Variants in CD1B observed in about 807,000 individuals in gnomAD.
The protein encoded by CD1B is CD1b molecule.
CD1B carries 43 observed loss-of-function variants against 39.8 expected under a neutral mutation model. The ratio of observed to expected loss-of-function variants is 1.08; its 90% CI spans 0.85 to 1.39. The LOEUF (loss-of-function observed/expected upper bound fraction) is 1.39, where lower values mean the gene tolerates loss of function less well. Ranked by LOEUF, CD1B falls within the 40% of genes most tolerant of loss-of-function variation. The probability of loss-of-function intolerance (pLI) is 0.00; values close to 1 mark genes in which losing one functional copy is unlikely to be tolerated. For synonymous variants in CD1B, 192 were observed against 152.5 expected, an observed-to-expected ratio of 1.26 and a Z score of -1.91; for missense variants, 495 against 403.8, an observed-to-expected ratio of 1.23 and a Z score of -1.94.
chr1:158,308,500 C>T, the CD1B span, among the ~76,000 whole-genome samples: 2 of 152,084 alleles, frequency 1.3e-5, no homozygotes, highest in African/African-American at 2.4e-5. Context: ...TCATATGGAA[C>T]CAAAAAGAGC....
At chr1:158,287,373 C>T in the CD1B span, among the ~76,000 whole-genome samples, 1 of 152,118 alleles carries the variant, frequency 6.6e-6, no homozygotes, top group Admixed American at 6.5e-5. Flanking sequence ...AGTGTCTCTT[C>T]TTATAAGGAC....
At chr1:158,310,510 G>A in the CD1B span, among the ~76,000 whole-genome samples, 4 of 151,922 alleles carry the variant, frequency 2.6e-5, no homozygotes, top group African/African-American at 9.7e-5. Flanking sequence ...AAACAAAATT[G>A]TCAACAGAAT....
In CD1B at chr1:158,329,372, C is replaced by A; in HGVS notation, c.884G>T (p.Trp295Leu). ...CCTGGGTCCCTGCTATTTCTTACTC[C>A]AGTAGAGGATGATGTCCTGGCCCTC... is the stretch of plus-strand genomic sequence containing the variant. ...SLEGQDIILY[W>L]RNPTSIGSIV... is the part of the protein sequence containing the mutation. The change falls in exon 4 of 6, where the codon TGG becomes TTG. Residue 295 changes from tryptophan (W) to leucine (L), a missense_variant and splice_region_variant. Physicochemically the swap from Trp to Leu is moderately conservative, Grantham distance 61 (BLOSUM62 -2). Coordinates refer to ENST00000368168, the MANE Select transcript of CD1B (RefSeq NM_001764.3). 6.2e-7 allele frequency: 1 copy of A among 1,612,808 alleles called. No homozygotes were observed. The highest frequency in any genetic ancestry group is 8.5e-7 in the Non-Finnish European group (1 of 1,179,088).
At chr1:158,317,708 T>C in the CD1B span, among the ~76,000 whole-genome samples, 1 of 152,216 alleles carries the variant, frequency 6.6e-6, no homozygotes, top group African/African-American at 2.4e-5. Context: ...CTGCTAGCTT[T>C]TGAATGTGTT....
At chr1:158,294,314 T>C in the CD1B span, among the ~76,000 whole-genome samples, 1 of 152,216 alleles carries the variant, frequency 6.6e-6, no homozygotes, top group African/African-American at 2.4e-5. Flanking sequence ...TAAACTTTAG[T>C]CCCTTTAGGT....
chr1:158,319,308 A>T, the CD1B span, among the ~76,000 whole-genome samples: 1 of 151,900 alleles, frequency 6.6e-6, no homozygotes, highest in Non-Finnish European at 1.5e-5. Flanking sequence ...CACCAATCAG[A>T]CGTAGATTTG....
the CD1B span, among the ~76,000 whole-genome samples, chr1:158,306,882 C>G: frequency 6.6e-6 from 1 of 151,990 alleles, no homozygotes; most frequent in African/African-American, 2.4e-5. Flanking sequence ...TTGAAACCAA[C>G]GAGAACAAAG....
the CD1B span, chr1:158,293,061 C>T: frequency 1.1e-6 from 1 of 874,470 alleles, no homozygotes; most frequent in South Asian, 1.6e-5. Flanking sequence ...AATGAGGAAT[C>T]CTTCCTTGAG....
At chr1:158,294,941 G>A in the CD1B span, among the ~76,000 whole-genome samples, 15 of 152,078 alleles carry the variant, frequency 9.9e-5, no homozygotes, top group African/African-American at 3.6e-4. Context: ...TTGTCTCCTT[G>A]TGCCCACTCA....
At chr1:158,289,562 T>A in the CD1B span, among the ~76,000 whole-genome samples, 1 of 151,990 alleles carries the variant, frequency 6.6e-6, no homozygotes, top group Non-Finnish European at 1.5e-5. Context: ...GAGAAAACTT[T>A]GAGGACATTC....
At chr1:158,308,223 C>T in the CD1B span, among the ~76,000 whole-genome samples, 1 of 152,178 alleles carries the variant, frequency 6.6e-6, no homozygotes, top group Non-Finnish European at 1.5e-5. Flanking sequence ...AGTGAACTCC[C>T]ATTCACAATT....
downstream of CD1B, among the ~76,000 whole-genome samples, chr1:158,326,321 A>G (rs1652350469): frequency 6.6e-6 from 1 of 152,218 alleles, no homozygotes; most frequent in Admixed American, 6.5e-5. Context: ...GGGCATGTTA[A>G]ATGACATTAT....
At chr1:158,327,337 A>G (rs1047490728), downstream of CD1B, among the ~76,000 whole-genome samples, 10 of 152,208 alleles carry the variant, frequency 6.6e-5, no homozygotes, top group Admixed American at 4.6e-4. Context: ...ACCTCTCACT[A>G]TGACCCTTTA....
chr1:158,327,770 GCC>G (rs1652410527), downstream of CD1B, among the ~76,000 whole-genome samples: 1 of 152,192 alleles, frequency 6.6e-6, no homozygotes, highest in African/African-American at 2.4e-5. Flanking sequence ...TCTCAGCTGA[GCC>G]TTCAGGGCTA....
At chr1:158,312,154 T>C in the CD1B span, among the ~76,000 whole-genome samples, 2 of 152,176 alleles carry the variant, frequency 1.3e-5, no homozygotes, top group Non-Finnish European at 2.9e-5. Context: ...TTTGGCCCTG[T>C]GTCCCCACCC....
the CD1B span, among the ~76,000 whole-genome samples, chr1:158,304,981 T>C: frequency 8.2e-4 from 124 of 151,834 alleles, no homozygotes; most frequent in African/African-American, 2.9e-3. Flanking sequence ...ACCACAAAGA[T>C]GGGGAAAAAA....
intron 5 of CD1B, among the ~76,000 whole-genome samples, chr1:158,328,603 G>T (rs971130124): frequency 6.6e-6 from 1 of 152,180 alleles, no homozygotes; most frequent in East Asian, 1.9e-4. Flanking sequence ...AGGGGAAATG[G>T]GAACTTGCAG....
the CD1B span, among the ~76,000 whole-genome samples, chr1:158,299,418 A>T: frequency 3.3e-5 from 5 of 152,196 alleles, no homozygotes; most frequent in African/African-American, 1.2e-4. Flanking sequence ...TTTGTTTGCC[A>T]GTATTTTACT....
chr1:158,324,846 G>C (rs1329247856), downstream of CD1B, among the ~76,000 whole-genome samples: 5 of 152,164 alleles, frequency 3.3e-5, no homozygotes, highest in African/African-American at 4.8e-5. Flanking sequence ...CTTGATGACA[G>C]AGGTGTATTG....
Sources: allele counts gnomAD v4.1 joint callset (sites outside exome capture counted in the v4.1 genomes callset), GRCh38; gene constraint gnomAD v4.1.1; transcripts MANE v1.5; gene names NCBI Gene and HGNC (gene_info 2026-07-23, HGNC 2026-07-21).